The following SGCD variants were observed in gnomAD, a reference collection of about 807,000 sequenced individuals.
The protein encoded by SGCD is sarcoglycan delta.
SGCD carries 18 observed loss-of-function variants against 36.6 expected under a neutral mutation model. The observed-to-expected ratio is 0.49, with a 90% CI of 0.34 to 0.73. SGCD has a LOEUF of 0.73. Among genes scored for constraint, SGCD ranks in the 30% least tolerant of loss-of-function variants. The pLI, the probability that SGCD is intolerant of heterozygous loss-of-function variation, is 0.01. For missense variants in SGCD, 387 were observed against 346.7 expected (o/e 1.12, Z -0.92); for synonymous variants, 133 against 130.6 (o/e 1.02, Z -0.12).
chr5:156,516,891 G>A (rs1020677558), intron 4 of SGCD, among the ~76,000 whole-genome samples: 3 of 152,128 alleles, frequency 2.0e-5, no homozygotes, highest in South Asian at 4.1e-4. Flanking sequence ...CAGCTACTCA[G>A]GGAGGCTGAG....
At chr5:156,499,318 C>G (rs748041787) in intron 3 of SGCD, among the ~76,000 whole-genome samples, 39 of 152,152 alleles carry the variant, frequency 2.6e-4, no homozygotes, top group Non-Finnish European at 5.3e-4. Flanking sequence ...TGAACAATCT[C>G]TAGCCGATTT....
At chr5:156,228,952 C>T (rs1350521005) in intron 3 of SGCD, among the ~76,000 whole-genome samples, 1 of 147,620 alleles carries the variant, frequency 6.8e-6, no homozygotes, top group Admixed American at 6.7e-5. Flanking sequence ...GAATCAGTGG[C>T]CTGGGAAAGG....
intron 1 of SGCD, among the ~76,000 whole-genome samples, chr5:155,972,664 A>C (rs1758029748): frequency 6.6e-6 from 1 of 152,122 alleles, no homozygotes; most frequent in African/African-American, 2.4e-5. Flanking sequence ...ATCTTACAAA[A>C]ATTACAGAAT....
chr5:155,744,719 A>G, the SGCD span, among the ~76,000 whole-genome samples: 51,069 of 152,020 alleles, frequency 0.34, 9,023 homozygotes, highest in East Asian at 0.42. Flanking sequence ...AGAGAAGGAA[A>G]TGGACAATAT....
At chr5:155,937,271 C>A (rs1377180617) in intron 1 of SGCD, among the ~76,000 whole-genome samples, 1 of 152,222 alleles carries the variant, frequency 6.6e-6, no homozygotes, top group Non-Finnish European at 1.5e-5. Flanking sequence ...ATGCCTCCCC[C>A]ACTGCAGCCA....
intron 3 of SGCD, among the ~76,000 whole-genome samples, chr5:156,310,963 T>C (rs1767375533): frequency 6.6e-6 from 1 of 152,162 alleles, no homozygotes; most frequent in African/African-American, 2.4e-5. Flanking sequence ...CAGAAGTGTC[T>C]TGTAGTGTCA....
At chr5:156,058,692 C>A (rs1291106306) in intron 1 of SGCD, among the ~76,000 whole-genome samples, 1 of 146,190 alleles carries the variant, frequency 6.8e-6, no homozygotes, top group African/African-American at 2.5e-5. Flanking sequence ...AGCAAACCAT[C>A]ATTAAGTTTG....
At chr5:155,949,482 G>A (rs984459720) in intron 1 of SGCD, among the ~76,000 whole-genome samples, 14 of 152,122 alleles carry the variant, frequency 9.2e-5, no homozygotes, top group African/African-American at 2.7e-4. Context: ...ACGAGGTTTC[G>A]TGAGATTAAG....
chr5:156,656,404 G>T (rs1363469399), intron 7 of SGCD, among the ~76,000 whole-genome samples: 1 of 152,082 alleles, frequency 6.6e-6, no homozygotes, highest in Non-Finnish European at 1.5e-5. Flanking sequence ...TTTAGGTAAA[G>T]TTGCCCAAAG....
the SGCD span, among the ~76,000 whole-genome samples, chr5:155,821,509 T>C: frequency 1.3e-5 from 2 of 152,084 alleles, no homozygotes; most frequent in African/African-American, 4.8e-5. Flanking sequence ...GAGATGGGGT[T>C]TCACCGTGTT....
chr5:156,608,873 CT>C (rs1391498037), intron 6 of SGCD, among the ~76,000 whole-genome samples: 1 of 151,840 alleles, frequency 6.6e-6, no homozygotes, highest in East Asian at 1.9e-4. Flanking sequence ...CAACCCCTGC[CT>C]TTTTTTGTTT....
intron 4 of SGCD, among the ~76,000 whole-genome samples, chr5:156,578,096 C>G (rs1760060749): frequency 1.3e-5 from 2 of 152,192 alleles, no homozygotes; most frequent in African/African-American, 2.4e-5. Context: ...CCATCAATAC[C>G]TAGTTTATTG....
chr5:156,276,074 G>A (rs914803970), intron 3 of SGCD, among the ~76,000 whole-genome samples: 1 of 152,130 alleles, frequency 6.6e-6, no homozygotes, highest in Non-Finnish European at 1.5e-5. Flanking sequence ...GGTACAGGAA[G>A]TTGTTTCAAC....
chr5:156,203,237 C>A (rs1403925337), intron 3 of SGCD, among the ~76,000 whole-genome samples: 2 of 152,102 alleles, frequency 1.3e-5, no homozygotes, highest in African/African-American at 4.8e-5. Flanking sequence ...TCTGTATCCT[C>A]TTTTTGCAAA....
chr5:155,772,825 C>T, the SGCD span, among the ~76,000 whole-genome samples: 5,923 of 152,008 alleles, frequency 0.039, 360 homozygotes, highest in African/African-American at 0.13. Flanking sequence ...TCCTACTAAC[C>T]CCTATTGAAA....
chr5:156,069,127 A>T (rs1286049315), intron 1 of SGCD, among the ~76,000 whole-genome samples: 1 of 152,074 alleles, frequency 6.6e-6, no homozygotes, highest in Non-Finnish European at 1.5e-5. Context: ...ATTTAGTTTA[A>T]TTAGATCCCA....
At chr5:156,303,069 C>T (rs1287536974) in intron 3 of SGCD, among the ~76,000 whole-genome samples, 1 of 152,232 alleles carries the variant, frequency 6.6e-6, no homozygotes, top group Non-Finnish European at 1.5e-5. Flanking sequence ...TTAGCTGCCC[C>T]AACCCTCCAG....
the SGCD span, among the ~76,000 whole-genome samples, chr5:155,830,778 T>C: frequency 3.3e-5 from 5 of 152,232 alleles, no homozygotes; most frequent in African/African-American, 9.6e-5. Flanking sequence ...TGGGAAGGCA[T>C]AGAGATTTCT....
intron 7 of SGCD, among the ~76,000 whole-genome samples, chr5:156,674,333 C>T (rs926534298): frequency 2.0e-5 from 3 of 152,184 alleles, no homozygotes; most frequent in African/African-American, 7.2e-5. Context: ...CATGCAGCAA[C>T]TAAGTTAAGA....
Sources: gnomAD v4.1 joint callset for allele counts (sites outside exome capture counted in the v4.1 genomes callset) on GRCh38, gnomAD v4.1.1 for gene constraint, MANE v1.5 for transcripts, NCBI Gene and HGNC (gene_info 2026-07-23, HGNC 2026-07-21) for gene names.